Variants in ATP13A1 observed in about 807,000 individuals in gnomAD.
The protein encoded by ATP13A1 is ATPase 13A1, also known as endoplasmic reticulum transmembrane helix translocase.
In ATP13A1, 55 loss-of-function variants were observed where a neutral mutation model predicts 134.8. The observed-to-expected ratio is 0.41, with a 90% CI of 0.33 to 0.51. ATP13A1 has a LOEUF of 0.51. Ranked by LOEUF, ATP13A1 falls within the 20% of genes least tolerant of loss-of-function variation. The pLI is 0.29. For missense variants in ATP13A1, 1,389 were observed against 1,652.8 expected (o/e 0.84, Z 2.77); for synonymous variants, 775 against 725.1 (o/e 1.07, Z -1.10).
chr19:19,652,076 G>C (rs1385257323), intron 16 of ATP13A1, among the ~76,000 whole-genome samples: 2 of 152,108 alleles, frequency 1.3e-5, no homozygotes, highest in African/African-American at 4.8e-5. Flanking sequence ...TGGCTTGGTA[G>C]CTGCCCATGG....
chr19:19,657,710 C>T (rs1347035444), intron 3 of ATP13A1, among the ~76,000 whole-genome samples: 3 of 152,164 alleles, frequency 2.0e-5, no homozygotes, highest in South Asian at 2.1e-4. Context: ...TGGTGTCAGA[C>T]GAGAGCCCGT....
At chr19:19,657,518 G>C (rs1440253655) in intron 3 of ATP13A1, 110 bp from the exon 4 acceptor site, 2 of 1,138,142 alleles carry the variant, frequency 1.8e-6, no homozygotes, top group Non-Finnish European at 2.4e-6. Context: ...AAGAAACCAA[G>C]AGCCATATGT....
chr19:19,656,902 G>A lies in ATP13A1; in HGVS notation c.921C>T (p.Arg307=). 1 of 1,611,826 alleles carries A rather than the reference G, an allele frequency of 6.2e-7. No homozygotes were observed. Among genetic ancestry groups the A allele is most frequent in the Non-Finnish European group, 8.5e-7 (1 of 1,179,188 alleles). ...CATCACTGGCAATGGGCCTCCACTT[G>A]CGGCTTCGGTAGACCTGGGCGGGGC... ...KPHMIQVYRS[R]KWRPIASDEI... The change falls in exon 6 of 26, where the codon CGC becomes CGT. Residue 307 remains arginine, a synonymous_variant. Transcript: ENST00000357324. This position sits in a 1 kb window ranked among gnomAD's most constrained non-coding sequence, Gnocchi z 4.6.
In ATP13A1 at chr19:19,650,523, G is replaced by A. The variant is rs568631901; in HGVS notation, c.2336-583C>T. On this transcript the variant is annotated intron_variant, in intron 17 of 25. Transcript: ENST00000357324. The stretch of plus-strand genomic sequence containing the variant: ...GCCTGCTCACCCTGGACCATCTCAA[G>A]CTGAAGGGCAGCACACTTCCACCTG... 122 of 156,656 alleles carry A rather than the reference G, an allele frequency of 7.8e-4. 1 individual carries two copies. Among genetic ancestry groups the A allele is most frequent in the African/African-American group, 2.4e-3 (100 of 41,616 alleles). The allele number at this position is 156,656 out of a possible 1,614,324, so 9.7% of individuals were successfully genotyped here.
rs760605647 is a variant in ATP13A1 at position 19,659,767 on chromosome 19, A to C, written c.511T>G (p.Ser171Ala). ...TACTTGATCTTCTGGAATTCGAAGG[A>C]CAGCACCTCAAGCCCGTCTTCGCCC... The part of the protein sequence containing the change: ...NEGEDGLEVL[S>A]FEFQKIKYSY... The change falls in exon 3 of 26, where the codon TCC becomes GCC. Residue 171 changes from serine to alanine, a missense_variant. Ser to Ala is a moderately conservative substitution (Grantham distance 99, BLOSUM62 1). This residue lies in a region of ATP13A1 where 293 missense variants were observed against 270.8 expected (regional missense o/e 1.08). Coordinates refer to ENST00000357324, the MANE Select transcript of ATP13A1 (RefSeq NM_020410.3). 2 of 1,613,866 alleles carry C rather than the reference A, an allele frequency of 1.2e-6. No homozygotes were observed. The highest frequency in any genetic ancestry group is 1.7e-6 in the Non-Finnish European group (2 of 1,179,856).
At position 19,663,316 on chromosome 19, in the gene ATP13A1, C is replaced by A; in HGVS notation, c.351G>T (p.Ser117=). ...AATGCGCGTGCACAGACCAATGCCC[C>A]GAGAGGACAGTGAGCGCGTGCGCGA... ...ICLAHALTVL[S]GHWSVHAHCA... Residue 117 remains serine, a synonymous_variant, in exon 1 of 26, where the codon TCG becomes TCT. Transcript: ENST00000357324. 6.3e-7 allele frequency: 1 copy of A among 1,591,124 alleles called. No individual in the cohort carries two copies. The highest frequency in any genetic ancestry group is 1.1e-5 in the South Asian group (1 of 87,708).
At chr19:19,662,232 T>TAA in intron 1 of ATP13A1, 1 of 1,511,870 alleles carries the variant, frequency 6.6e-7, no homozygotes, top group East Asian at 2.5e-5. Context: ...CATTGGTGTC[T>TAA]TTCATTGTAC....
chr19:19,645,564 G>A lies in ATP13A1; in HGVS notation c.3505-32C>T, dbSNP rs890576648. ...GGGCAGGGAGGGATGGTGAGCTGGA[G>A]ACCTGCAGCCCAGCTCAGGGTCACT... is the stretch of plus-strand genomic sequence containing the variant. On this transcript the variant is annotated intron_variant, in intron 25 of 25. Coordinates refer to ENST00000357324, the MANE Select transcript of ATP13A1 (RefSeq NM_020410.3). The surrounding 1 kb of genome is among the most constrained non-coding windows in gnomAD (Gnocchi z 4.1). 1.3e-6 allele frequency: 2 copies of A among 1,571,006 alleles called. No homozygotes were observed. The highest frequency in any genetic ancestry group is 1.7e-6 in the Non-Finnish European group (2 of 1,158,322).
intron 1 of ATP13A1, 97 bp downstream of exon 1, chr19:19,663,174 G>C: frequency 2.0e-6 from 3 of 1,508,264 alleles, no homozygotes; most frequent in Non-Finnish European, 2.7e-6. Flanking sequence ...GCAGATGAGT[G>C]GCCCAGGTCG....
Position 19,659,696 on chromosome 19 carries a change from A to G in ATP13A1, c.582T>C (p.Phe194=). Residue 194 remains phenylalanine (F), a synonymous_variant, in exon 3 of 26, where the codon TTT becomes TTC. Transcript: ENST00000357324. Reference sequence around the variant, plus strand: ...AGTATGAGAAGGCGTTTCCCACAGGAAAGGCCACGGGGAGAAACTGCTTCT... The same window carrying G: ...AGTATGAGAAGGCGTTTCCCACAGGGAAGGCCACGGGGAGAAACTGCTTCT... ...LEKKQFLPVA[F]PVGNAFSYYQ... The G allele has an allele frequency of 6.2e-7, 1 of 1,613,952 alleles. No individual in the cohort carries two copies. Among genetic ancestry groups the G allele is most frequent in the Non-Finnish European group, 8.5e-7 (1 of 1,179,872 alleles).
rs2062013439 is a variant in ATP13A1, at chr19:19,649,948, C to A, written c.2336-8G>T. ...GCCACTCGCACTGCCGGCCTGCGGG[C>A]AGCACCTAGGGTTAGGGCTGGGGGC... On this transcript the variant is annotated splice_region_variant and splice_polypyrimidine_tract_variant and intron_variant, in intron 17 of 25. Transcript: ENST00000357324. 9 of 1,581,488 alleles carry A rather than the reference C, an allele frequency of 5.7e-6. No individual in the cohort carries two copies. Among genetic ancestry groups the A allele is most frequent in the Non-Finnish European group, 7.7e-6 (9 of 1,172,570 alleles).
chr19:19,648,941 G>A (rs1390182487), intron 19 of ATP13A1, among the ~76,000 whole-genome samples: 2 of 151,662 alleles, frequency 1.3e-5, no homozygotes, highest in Admixed American at 1.3e-4. Flanking sequence ...GGCCAACATG[G>A]TGAAACCCCA....
At position 19,655,713 on chromosome 19, in the gene ATP13A1, T is replaced by C; in HGVS notation, c.1270-59A>G. 1 of 1,575,278 alleles carries C rather than the reference T, an allele frequency of 6.3e-7. No homozygotes were observed. The highest frequency in any genetic ancestry group is 8.6e-7 in the Non-Finnish European group (1 of 1,160,704). On this transcript the variant is annotated intron_variant, in intron 9 of 25. Coordinates refer to ENST00000357324, the MANE Select transcript of ATP13A1 (RefSeq NM_020410.3). The surrounding 1 kb of genome is among the most constrained non-coding windows in gnomAD (Gnocchi z 5.7). ...TGGACTCCCTCCAGCAGCTCAGGCCTGGAAGCGTGGGCCTGGTCTTGGGGT... is the reference window on the plus strand; with the variant it reads ...TGGACTCCCTCCAGCAGCTCAGGCCCGGAAGCGTGGGCCTGGTCTTGGGGT...
In ATP13A1 at chr19:19,647,199, A is replaced by C; in HGVS notation, c.3035T>G (p.Phe1012Cys). The change falls in exon 22 of 26, where the codon TTC becomes TGC. Residue 1012 changes from phenylalanine (F) to cysteine (C), a missense_variant. Physicochemically the swap from Phe to Cys is radical, Grantham distance 205. Around this residue, in one of 4 missense-constraint regions of ATP13A1, gnomAD observed 228 missense variants for 321.0 expected, o/e 0.71. Transcript: ENST00000357324. This position sits in a 1 kb window ranked among gnomAD's most constrained non-coding sequence, Gnocchi z 4.8. Reference protein sequence around the residue: ...QSVLYLEGVKFSDFQATLQGL... With the variant: ...QSVLYLEGVKCSDFQATLQGL... ...CTGTAGGGTGGCCTGGAAGTCACTG[A>C]ACTTGACTCCCTCCAGGTAGAGGAC... is the stretch of plus-strand genomic sequence containing the variant. The C allele has an allele frequency of 6.2e-7, 1 of 1,613,904 alleles. No individual in the cohort carries two copies. The highest frequency in any genetic ancestry group is 8.5e-7 in the Non-Finnish European group (1 of 1,179,862).
chr19:19,655,687 C>G lies in ATP13A1; in HGVS notation c.1270-33G>C, dbSNP rs577082522. The G allele has an allele frequency of 6.2e-7, 1 of 1,601,804 alleles. No homozygotes were observed. Among genetic ancestry groups the G allele is most frequent in the Non-Finnish European group, 8.5e-7 (1 of 1,174,436 alleles). Reference sequence around the variant, plus strand: ...AATGGAGGAACAGCCTTTCTGCTGTCTGGACTCCCTCCAGCAGCTCAGGCC... The same window carrying G: ...AATGGAGGAACAGCCTTTCTGCTGTGTGGACTCCCTCCAGCAGCTCAGGCC... On this transcript the variant is annotated intron_variant, in intron 9 of 25. Transcript: ENST00000357324. This position sits in a 1 kb window ranked among gnomAD's most constrained non-coding sequence, Gnocchi z 5.7.
chr19:19,655,036 C>T lies in ATP13A1; in HGVS notation c.1655+83G>A. The T allele has an allele frequency of 6.4e-7, 1 of 1,570,354 alleles. No homozygotes were observed. The highest frequency in any genetic ancestry group is 8.6e-7 in the Non-Finnish European group (1 of 1,161,310). The stretch of plus-strand genomic sequence containing the variant: ...CTCTGACGGGCCCTCACTGCAAGGG[C>T]TTGGGGTGGATGGGCCACCTGTCTC... On this transcript the variant is annotated intron_variant, in intron 12 of 25. Coordinates refer to ENST00000357324, the MANE Select transcript of ATP13A1 (RefSeq NM_020410.3). The surrounding 1 kb of genome is among the most constrained non-coding windows in gnomAD (Gnocchi z 5.7).
At chr19:19,650,287 A>C in intron 17 of ATP13A1, 1 of 320,670 alleles carries the variant, frequency 3.1e-6, no homozygotes, top group Non-Finnish European at 5.8e-6. Context: ...TCCTTGGGAA[A>C]CCCCACACCA....
At position 19,656,666 on chromosome 19, in the gene ATP13A1, C is replaced by T. The variant is rs1389736551; in HGVS notation, c.1077G>A (p.Gln359=). ...CCCATCCTCCACCAAGTACCTTCAT[C>T]TGTGGCACGGACTCCCCCGTGAGCA... The part of the protein sequence containing the change: ...EAMLTGESVP[Q]MKEPIEDLSP... Residue 359 remains glutamine, a synonymous_variant, in exon 7 of 26, where the codon CAG becomes CAA. Transcript: ENST00000357324. The surrounding 1 kb of genome is among the most constrained non-coding windows in gnomAD (Gnocchi z 4.6). 1 of 1,613,416 alleles carries T rather than the reference C, an allele frequency of 6.2e-7. No homozygotes were observed. The highest frequency in any genetic ancestry group is 8.5e-7 in the Non-Finnish European group (1 of 1,179,656).
At chr19:19,649,465 G>A in intron 19 of ATP13A1, 102 bp downstream of exon 19, 2 of 1,207,790 alleles carry the variant, frequency 1.7e-6, no homozygotes, top group Non-Finnish European at 1.2e-6. Context: ...AGGAATTAGT[G>A]CCCCCGTGGC....
Sources: allele counts gnomAD v4.1 joint callset (sites outside exome capture counted in the v4.1 genomes callset), GRCh38; gene constraint gnomAD v4.1.1; regional missense constraint gnomAD v4.1.1; non-coding constraint Gnocchi (gnomAD v3.1); transcripts MANE v1.5; gene names NCBI Gene and HGNC (gene_info 2026-07-23, HGNC 2026-07-21).